NKAIN1: variants seen among roughly 807,000 people sequenced by gnomAD.
NKAIN1 encodes the protein sodium/potassium-transporting ATPase subunit beta-1-interacting protein 1.
Under a neutral mutation model 31.6 loss-of-function variants are expected in NKAIN1, and 13 were observed. The ratio of observed to expected loss-of-function variants is 0.41; its 90% CI spans 0.27 to 0.65. The LOEUF is 0.65. Among genes scored for constraint, NKAIN1 ranks in the 30% least tolerant of loss-of-function variants. The pLI, the probability that NKAIN1 is intolerant of heterozygous loss-of-function variation, is 0.30. For missense variants in NKAIN1, 193 were observed against 262.2 expected, an observed-to-expected ratio of 0.74 and a Z score of 1.82; for synonymous variants, 104 against 109.0, an observed-to-expected ratio of 0.95 and a Z score of 0.28.
chr1:31,234,051 G>T (rs1645676849), intron 1 of NKAIN1, among the ~76,000 whole-genome samples: 1 of 152,202 alleles, frequency 6.6e-6, no homozygotes, highest in Admixed American at 6.5e-5. Context: ...GCCATCCCCA[G>T]GTCCCCTGGA....
rs79205997 is a variant in NKAIN1, at chr1:31,203,865, G to A, written c.55-15678C>T. Among the ~76,000 whole-genome samples the A allele has an allele frequency of 5.5e-3, 843 of 152,238 alleles. 37 individuals are homozygous for A. In the South Asian group the frequency reaches 0.09, roughly 16 times the overall value. On this transcript the variant is annotated intron_variant, in intron 1 of 6. Transcript: ENST00000373736. Reference sequence around the variant, plus strand: ...CTTCCAAAATGCTGGGATTACAGGCGTGAGCCACTGCGCTCGGCCTATGAG... The same window carrying A: ...CTTCCAAAATGCTGGGATTACAGGCATGAGCCACTGCGCTCGGCCTATGAG...
At position 31,202,967 on chromosome 1, in the gene NKAIN1, T is replaced by G. The variant is rs187785158; in HGVS notation, c.55-14780A>C. Among the ~76,000 whole-genome samples the G allele has an allele frequency of 5.7e-4, 56 of 99,060 alleles. No homozygotes were observed. The East Asian group carries it at 0.013, about 22-fold the overall frequency. 65.0% of individuals were successfully genotyped at this position (99,060 alleles called of 152,430 possible). On this transcript the variant is annotated intron_variant, in intron 1 of 6. Coordinates refer to ENST00000373736, the MANE Select transcript of NKAIN1 (RefSeq NM_024522.3). ...ACTCTAGCCTGGTGACAGAGCGAGA[T>G]TCCGTCTTAAAAAAAAAAAAAAAAG...
chr1:31,201,101 C>T (rs963187095), intron 1 of NKAIN1, among the ~76,000 whole-genome samples: 1 of 152,120 alleles, frequency 6.6e-6, no homozygotes, highest in African/African-American at 2.4e-5. Flanking sequence ...GTCAGGAGTT[C>T]GAGTGCCTCT....
At chr1:31,218,942 G>A (rs1160823095) in intron 1 of NKAIN1, among the ~76,000 whole-genome samples, 2 of 152,190 alleles carry the variant, frequency 1.3e-5, no homozygotes, top group Non-Finnish European at 2.9e-5. Context: ...GCAGTGACAG[G>A]CTGAGCAGCT....
At chr1:31,218,028 C>T (rs1032523738) in intron 1 of NKAIN1, among the ~76,000 whole-genome samples, 1 of 92,288 alleles carries the variant, frequency 1.1e-5, no homozygotes, top group Non-Finnish European at 2.0e-5. Context: ...TTCTTTCTTT[C>T]TTTCTTTCTT....
chr1:31,195,687 C>T (rs1645321128), intron 1 of NKAIN1, among the ~76,000 whole-genome samples: 1 of 151,868 alleles, frequency 6.6e-6, no homozygotes, highest in African/African-American at 2.4e-5. Flanking sequence ...TTTGAGAGGC[C>T]CAGGTGGGTA....
intron 1 of NKAIN1, among the ~76,000 whole-genome samples, chr1:31,219,069 C>G (rs575478448): frequency 2.1e-4 from 32 of 152,348 alleles, no homozygotes; most frequent in South Asian, 4.1e-4. Flanking sequence ...AGCACCAATG[C>G]GGGTCTACCC....
intron 2 of NKAIN1, among the ~76,000 whole-genome samples, chr1:31,186,358 G>A (rs769988862): frequency 1.2e-3 from 143 of 122,484 alleles, no homozygotes; most frequent in African/African-American, 1.9e-3. Flanking sequence ...GCGAAACTCC[G>A]TCTCAAAAAA....
chr1:31,219,176 T>A (rs1373358496), intron 1 of NKAIN1, among the ~76,000 whole-genome samples: 1 of 152,284 alleles, frequency 6.6e-6, no homozygotes, highest in Non-Finnish European at 1.5e-5. Flanking sequence ...TAGGCCAGGC[T>A]GTGAATTTCA....
At chr1:31,212,942 A>G (rs892753421) in intron 1 of NKAIN1, among the ~76,000 whole-genome samples, 14 of 152,000 alleles carry the variant, frequency 9.2e-5, no homozygotes, top group Non-Finnish European at 1.3e-4. Context: ...GCTCGTGGTG[A>G]GCCAAGATTG....
chr1:31,200,045 A>ACGCATG (rs1553162450), intron 1 of NKAIN1, among the ~76,000 whole-genome samples: 36 of 151,452 alleles, frequency 2.4e-4, no homozygotes, highest in Admixed American at 7.9e-4. Context: ...ACACATGCAC[A>ACGCATG]CGTGCACACA....
intron 5 of NKAIN1, 102 bp downstream of exon 5, chr1:31,182,428 C>A (rs1348993849): frequency 7.4e-7 from 1 of 1,349,110 alleles, no homozygotes; most frequent in South Asian, 1.3e-5. Context: ...GGCCCGTGGC[C>A]GACCCTGGGC....
chr1:31,228,619 G>A (rs925121604), intron 1 of NKAIN1, among the ~76,000 whole-genome samples: 2 of 152,006 alleles, frequency 1.3e-5, no homozygotes, highest in African/African-American at 4.8e-5. Flanking sequence ...ATTCTTTCTT[G>A]CTTTTTTTCA....
rs935720423 is a variant in NKAIN1 at position 31,239,750 on chromosome 1, G to A, written c.-203C>T. Among the ~76,000 whole-genome samples the A allele has an allele frequency of 1.5e-4, 22 of 151,288 alleles. No homozygotes were observed. Among genetic ancestry groups the A allele is most frequent in the South Asian group, 6.2e-4 (3 of 4,824 alleles). On this transcript the variant is annotated 5_prime_UTR_variant, in exon 1 of 7. Transcript: ENST00000373736. The surrounding 1 kb of genome is among the most constrained non-coding windows in gnomAD (Gnocchi z 4.8). ...CTCCGAGTCCATGGTCCGTCCGTCC[G>A]CGCGCTGGCCCCGCCGAGCCGCGCC...
intron 1 of NKAIN1, among the ~76,000 whole-genome samples, chr1:31,196,697 AAAATAAATAAATAAATAAATAAAT>A (rs142670426): frequency 1.2e-4 from 17 of 145,184 alleles, no homozygotes; most frequent in African/African-American, 3.4e-4. Flanking sequence ...TTCCATCTCA[AAAATAAATAAATAAATAAATAAAT>A]AAATAAATAA....
rs1645717143 is a variant in NKAIN1 at position 31,239,457 on chromosome 1, C to A, written c.54+37G>T. On this transcript the variant is annotated intron_variant, in intron 1 of 6. Coordinates refer to ENST00000373736, the MANE Select transcript of NKAIN1 (RefSeq NM_024522.3). The surrounding 1 kb of genome is among the most constrained non-coding windows in gnomAD (Gnocchi z 4.8). ...CCCTGGGACCGCGCCCCGCCGCGCCCCACCCTGCCCCGACTGCCTGGGCAC... is the reference window on the plus strand; with the variant it reads ...CCCTGGGACCGCGCCCCGCCGCGCCACACCCTGCCCCGACTGCCTGGGCAC... The A allele has an allele frequency of 1.4e-6, 2 of 1,430,240 alleles. No homozygotes were observed. The highest frequency in any genetic ancestry group is 1.8e-6 in the Non-Finnish European group (2 of 1,094,678). The allele number at this position is 1,430,240 out of a possible 1,614,324, so 88.6% of individuals were successfully genotyped here. A position where few individuals can be genotyped will look rare whatever the true frequency, so the allele number is the denominator to read the frequency against.
At chr1:31,225,110 C>G (rs1417312159) in intron 1 of NKAIN1, among the ~76,000 whole-genome samples, 1 of 146,550 alleles carries the variant, frequency 6.8e-6, no homozygotes, top group Non-Finnish European at 1.5e-5. Flanking sequence ...TCACTGCAAG[C>G]TCCACCTCTT....
intron 1 of NKAIN1, among the ~76,000 whole-genome samples, chr1:31,225,696 CT>C (rs1645598952): frequency 6.7e-6 from 1 of 148,174 alleles, no homozygotes; most frequent in African/African-American, 2.6e-5. Flanking sequence ...GAGAGCCCCC[CT>C]CTCAGAAAAC....
At chr1:31,197,354 G>A (rs553787673) in intron 1 of NKAIN1, among the ~76,000 whole-genome samples, 32 of 150,524 alleles carry the variant, frequency 2.1e-4, no homozygotes, top group Admixed American at 1.6e-3. Flanking sequence ...CTCGTGATCC[G>A]CCCGCCTCAG....
Sources: allele counts gnomAD v4.1 joint callset (sites outside exome capture counted in the v4.1 genomes callset), GRCh38; gene constraint gnomAD v4.1.1; non-coding constraint Gnocchi (gnomAD v3.1); transcripts MANE v1.5; gene names NCBI Gene and HGNC (gene_info 2026-07-23, HGNC 2026-07-21).